Variants in TCF12 observed in about 807,000 individuals in gnomAD.
TCF12 encodes the protein transcription factor 12, also known as DNA-binding protein HTF4.
A neutral mutation model predicts 86.0 loss-of-function variants in TCF12; 45 were observed. The ratio of observed to expected loss-of-function variants is 0.52; its 90% confidence interval spans 0.41 to 0.67. The LOEUF (loss-of-function observed/expected upper bound fraction) is 0.67, where lower values mean the gene tolerates loss of function less well. Ranked by LOEUF, TCF12 falls within the 30% of genes least tolerant of loss-of-function variation. The pLI, the probability that TCF12 is intolerant of heterozygous loss-of-function variation, is 0.00. For synonymous variants in TCF12, 330 were observed against 299.6 expected, an observed-to-expected ratio of 1.10 and a Z score of -1.05; for missense variants, 881 against 859.9, an observed-to-expected ratio of 1.02 and a Z score of -0.31.
chr15:57,036,041 C>T (rs1490234199), intron 3 of TCF12, among the ~76,000 whole-genome samples: 1 of 149,554 alleles, frequency 6.7e-6, no homozygotes, highest in Non-Finnish European at 1.5e-5. Flanking sequence ...ATCCCAAAAC[C>T]ATCCCACCCC....
intron 4 of TCF12, among the ~76,000 whole-genome samples, chr15:57,085,090 T>G (rs967840767): frequency 6.6e-6 from 1 of 152,198 alleles, no homozygotes. Context: ...GACTCGCTCT[T>G]CCTTCTTGGA....
chr15:57,027,022 T>C (rs1320036049), intron 3 of TCF12, among the ~76,000 whole-genome samples: 4 of 152,184 alleles, frequency 2.6e-5, no homozygotes, highest in African/African-American at 7.2e-5. Flanking sequence ...TATTTTTTTT[T>C]CCCAAATGTT....
intron 13 of TCF12, chr15:57,247,417 TCCA>T: frequency 1.4e-6 from 1 of 690,108 alleles, no homozygotes; most frequent in Admixed American, 1.9e-5. Flanking sequence ...ACCTCTGTCA[TCCA>T]GCAGACTACA....
At chr15:57,047,172 A>T (rs1449504802) in intron 3 of TCF12, among the ~76,000 whole-genome samples, 1 of 152,210 alleles carries the variant, frequency 6.6e-6, no homozygotes, top group African/African-American at 2.4e-5. Context: ...TGCTGTTGAC[A>T]TTGCTTTTTC....
intron 8 of TCF12, among the ~76,000 whole-genome samples, chr15:57,227,104 C>T (rs1291748589): frequency 6.6e-6 from 1 of 152,086 alleles, no homozygotes; most frequent in Non-Finnish European, 1.5e-5. Flanking sequence ...AAAGTATCAG[C>T]CACCACACAG....
intron 3 of TCF12, among the ~76,000 whole-genome samples, chr15:57,035,267 T>C (rs371851921): frequency 2.0e-5 from 3 of 152,230 alleles, no homozygotes. Flanking sequence ...AGTAATGTTA[T>C]CTTATTTTAT....
intron 3 of TCF12, among the ~76,000 whole-genome samples, chr15:56,959,562 A>G (rs2543677): frequency 7.5e-4 from 115 of 152,336 alleles, no homozygotes; most frequent in African/African-American, 2.6e-3. Context: ...AAGCTGAAGC[A>G]ATAATTCAGT....
At chr15:56,977,018 C>T (rs2140835731) in intron 3 of TCF12, among the ~76,000 whole-genome samples, 1 of 152,160 alleles carries the variant, frequency 6.6e-6, no homozygotes, top group Middle Eastern at 3.4e-3. Context: ...TAGTGGCTAC[C>T]ATATTGGACA....
chr15:57,148,506 C>G (rs1025663260), intron 5 of TCF12, among the ~76,000 whole-genome samples: 2 of 151,816 alleles, frequency 1.3e-5, no homozygotes, highest in African/African-American at 4.8e-5. Flanking sequence ...AAACCAGCAG[C>G]CTTCAGTGGG....
chr15:57,041,976 A>G (rs1451541848), intron 3 of TCF12, among the ~76,000 whole-genome samples: 1 of 152,166 alleles, frequency 6.6e-6, no homozygotes, highest in East Asian at 1.9e-4. Flanking sequence ...TAAGCCTTGG[A>G]TTGGGACCTG....
At chr15:56,954,863 G>A (rs879079947) in intron 3 of TCF12, among the ~76,000 whole-genome samples, 3 of 152,064 alleles carry the variant, frequency 2.0e-5, no homozygotes, top group Admixed American at 6.6e-5. Flanking sequence ...ACCATCTCAC[G>A]CCAGTTAGAA....
intron 7 of TCF12, among the ~76,000 whole-genome samples, chr15:57,192,677 C>T (rs1445679084): frequency 1.3e-5 from 2 of 152,172 alleles, no homozygotes; most frequent in African/African-American, 4.8e-5. Flanking sequence ...TGTGAACCAC[C>T]GTGCCCAGCC....
chr15:57,091,759 T>C (rs533340517), intron 4 of TCF12, 30 bp from the exon 5 acceptor site: 2 of 1,558,714 alleles, frequency 1.3e-6, no homozygotes, highest in African/African-American at 2.7e-5. Flanking sequence ...AAATAATCTC[T>C]TTAATACTCT....
intron 8 of TCF12, among the ~76,000 whole-genome samples, chr15:57,229,923 T>G (rs1160892053): frequency 6.6e-6 from 1 of 151,912 alleles, no homozygotes; most frequent in African/African-American, 2.4e-5. Flanking sequence ...ATTGACAGTT[T>G]ATGTAAATAA....
chr15:56,949,866 A>G (rs1567151004), intron 3 of TCF12, among the ~76,000 whole-genome samples: 1 of 152,212 alleles, frequency 6.6e-6, no homozygotes, highest in Non-Finnish European at 1.5e-5. Context: ...GAATTGGTGC[A>G]TGTTTTGCTA....
chr15:57,163,252 TTGATA>T (rs1206923161), intron 5 of TCF12, among the ~76,000 whole-genome samples: 2 of 152,204 alleles, frequency 1.3e-5, no homozygotes, highest in African/African-American at 4.8e-5. Flanking sequence ...AAATTGTTTA[TTGATA>T]TGATACATAA....
intron 2 of TCF12, among the ~76,000 whole-genome samples, chr15:56,920,305 T>C (rs1477888802): frequency 2.0e-5 from 3 of 152,154 alleles, no homozygotes; most frequent in Non-Finnish European, 4.4e-5. Flanking sequence ...CGATGATTAT[T>C]GGGGATCTTG....
rs148188791 is a variant in TCF12, at chr15:57,001,258, G to T, written c.149-62492G>T. 1.8e-3 allele frequency: 304 copies of T among 165,714 alleles called. 1 individual carries two copies. Among genetic ancestry groups the T allele is most frequent in the Middle Eastern group, 8.4e-3 (3 of 356 alleles). The allele number at this position is 165,714 out of a possible 1,614,324, so 10.3% of individuals were successfully genotyped here. A position where few individuals can be genotyped will look rare whatever the true frequency, so the allele number is the denominator to read the frequency against. On this transcript the variant is annotated intron_variant, in intron 3 of 20. Coordinates refer to ENST00000333725, the MANE Select transcript of TCF12 (RefSeq NM_207037.2). ...TTGAATTCCTGACCTCAAGTAATCC[G>T]CCCACCTCAGCCTCCTACAGTGCTG...
At chr15:57,282,277 C>A in intron 19 of TCF12, 168 bp from the exon 20 acceptor site, 2 of 724,794 alleles carry the variant, frequency 2.8e-6, no homozygotes, top group Non-Finnish European at 4.5e-6. Flanking sequence ...AAGTATAAAT[C>A]TGGAGGCTCA....
Sources: allele counts gnomAD v4.1 joint callset (sites outside exome capture counted in the v4.1 genomes callset), GRCh38; gene constraint gnomAD v4.1.1; transcripts MANE v1.5; gene names NCBI Gene and HGNC (gene_info 2026-07-23, HGNC 2026-07-21).